NPAS3: variants seen among roughly 807,000 people sequenced by gnomAD.
NPAS3 encodes neuronal PAS domain-containing protein 3.
Under a neutral mutation model 73.1 loss-of-function variants are expected in NPAS3, and 14 were observed. That is an observed-to-expected ratio of 0.19 (90% CI 0.13 to 0.30). The LOEUF is 0.30. Among genes scored for constraint, NPAS3 ranks in the 10% least tolerant of loss-of-function variants. The pLI is 1.00. For missense variants in NPAS3, 1,096 were observed against 1,250.0 expected (o/e 0.88, Z 1.86); for synonymous variants, 620 against 541.5 (o/e 1.14, Z -2.01).
intron 3 of NPAS3, among the ~76,000 whole-genome samples, chr14:33,362,716 T>A (rs2045661115): frequency 6.6e-6 from 1 of 152,094 alleles, no homozygotes; most frequent in South Asian, 2.1e-4. Flanking sequence ...TGCCAGGCGT[T>A]CCTGAGATAC....
chr14:33,414,699 T>C (rs1426620360), intron 4 of NPAS3, among the ~76,000 whole-genome samples: 2 of 152,132 alleles, frequency 1.3e-5, no homozygotes, highest in Non-Finnish European at 2.9e-5. Flanking sequence ...ACTATAAATA[T>C]AATACTACCT....
intron 4 of NPAS3, among the ~76,000 whole-genome samples, chr14:33,473,647 GTTC>G (rs1406434413): frequency 6.6e-6 from 1 of 152,148 alleles, no homozygotes; most frequent in African/African-American, 2.4e-5. Context: ...AAGGCAATGT[GTTC>G]TTCTTGCATT....
chr14:33,735,273 A>G (rs1272687723), exon 7 of NPAS3: 3 of 1,613,518 alleles, frequency 1.9e-6, no homozygotes, highest in Non-Finnish European at 2.5e-6. Context: ...TTCCTTTTTC[A>G]TCCGAATGAA....
rs139760657 is a variant in NPAS3 at position 33,750,370 on chromosome 14, T to C, written c.852+15038T>C. Among the ~76,000 whole-genome samples, 911 of 152,256 alleles carry C rather than the reference T, an allele frequency of 6.0e-3. 8 individuals are homozygous for C. The highest frequency in any genetic ancestry group is 0.021 in the African/African-American group (854 of 41,546). On this transcript the variant is annotated intron_variant, in intron 7 of 11. Coordinates refer to ENST00000356141, the Ensembl canonical transcript of NPAS3. ...TTCACTGAAGATAAAATGGAGAGAT[T>C]TATTACTCCCCATGCTTTTAAAGAA...
intron 6 of NPAS3, among the ~76,000 whole-genome samples, chr14:33,719,115 G>A (rs1043426033): frequency 3.9e-5 from 6 of 152,086 alleles, no homozygotes; most frequent in South Asian, 2.1e-4. Context: ...GTGACAGAGC[G>A]AGACTGTAGA....
rs574014640 is a variant in NPAS3 at position 33,378,689 on chromosome 14, G to A, written c.468+11421G>A. 3.5e-4 allele frequency among the ~76,000 whole-genome samples: 54 copies of A among 152,248 alleles called. 2 individuals carry two copies. In the South Asian group the frequency reaches 0.011, roughly 32 times the overall value. On this transcript the variant is annotated intron_variant, in intron 4 of 11. Coordinates refer to ENST00000356141, the Ensembl canonical transcript of NPAS3. ...TTTGGTGTTTATGTGGAAGTCCCCT[G>A]AGGGTCTTCACTTCTCAATGACTCA...
chr14:33,219,820 G>A (rs1870906386), intron 3 of NPAS3, among the ~76,000 whole-genome samples: 1 of 152,150 alleles, frequency 6.6e-6, no homozygotes, highest in Non-Finnish European at 1.5e-5. Flanking sequence ...CCCAAAATTA[G>A]ATAGCATTTT....
chr14:33,520,878 G>T (rs766734612), intron 4 of NPAS3, among the ~76,000 whole-genome samples: 9 of 152,090 alleles, frequency 5.9e-5, no homozygotes, highest in Non-Finnish European at 1.3e-4. Flanking sequence ...ATAAGCAAAC[G>T]CTGAATGCTG....
intron 4 of NPAS3, among the ~76,000 whole-genome samples, chr14:33,451,333 A>T (rs571841724): frequency 1.1e-3 from 160 of 152,328 alleles, no homozygotes; most frequent in African/African-American, 3.8e-3. Context: ...CTTTTAGTAA[A>T]GTTTAAATCT....
At chr14:33,442,292 C>T (rs1299658447) in intron 4 of NPAS3, among the ~76,000 whole-genome samples, 1 of 152,060 alleles carries the variant, frequency 6.6e-6, no homozygotes, top group Non-Finnish European at 1.5e-5. Flanking sequence ...TGACAGTCAA[C>T]TGAACATGGT....
intron 2 of NPAS3, among the ~76,000 whole-genome samples, chr14:33,086,917 C>T (rs1364511516): frequency 1.3e-5 from 2 of 151,680 alleles, no homozygotes; most frequent in Non-Finnish European, 2.9e-5. Flanking sequence ...AAAATAGAGC[C>T]CAAGAGATGG....
At chr14:33,483,783 C>G (rs77696790) in intron 4 of NPAS3, among the ~76,000 whole-genome samples, 1 of 152,154 alleles carries the variant, frequency 6.6e-6, no homozygotes, top group African/African-American at 2.4e-5. Context: ...CTTTCCCCTC[C>G]GTTGAAATAT....
chr14:33,691,604 C>T (rs949387758), intron 6 of NPAS3, among the ~76,000 whole-genome samples: 22 of 152,344 alleles, frequency 1.4e-4, no homozygotes, highest in Middle Eastern at 3.4e-3. Context: ...CTTAATACCT[C>T]ATAACTAAGA....
At chr14:33,690,633 A>G (rs918063633) in intron 6 of NPAS3, among the ~76,000 whole-genome samples, 4 of 152,154 alleles carry the variant, frequency 2.6e-5, no homozygotes, top group African/African-American at 9.7e-5. Context: ...AAAAGAGAAC[A>G]TGTAAAAGAG....
chr14:33,092,557 A>G (rs1218119201), intron 2 of NPAS3, among the ~76,000 whole-genome samples: 1 of 152,212 alleles, frequency 6.6e-6, no homozygotes, highest in African/African-American at 2.4e-5. Context: ...GGTAATTTAT[A>G]GATTCAATGC....
At chr14:32,975,305 C>CCTTCCT (rs2037613211) in intron 1 of NPAS3, among the ~76,000 whole-genome samples, 1 of 151,986 alleles carries the variant, frequency 6.6e-6, no homozygotes, top group Non-Finnish European at 1.5e-5. Flanking sequence ...TCCCTCCCTC[C>CCTTCCT]CTGCCTCCGT....
chr14:33,302,832 C>T (rs2042607274), intron 3 of NPAS3, among the ~76,000 whole-genome samples: 2 of 151,932 alleles, frequency 1.3e-5, no homozygotes, highest in Middle Eastern at 6.9e-3. Flanking sequence ...CATATTTCCA[C>T]ATAGAGCAGT....
chr14:33,227,564 A>G (rs1316912784), intron 3 of NPAS3, among the ~76,000 whole-genome samples: 1 of 152,178 alleles, frequency 6.6e-6, no homozygotes, highest in Non-Finnish European at 1.5e-5. Context: ...CTCCTGGGTC[A>G]CATAGCCATT....
intron 3 of NPAS3, among the ~76,000 whole-genome samples, chr14:33,292,234 A>G (rs1430429118): frequency 6.6e-6 from 1 of 152,196 alleles, no homozygotes; most frequent in Non-Finnish European, 1.5e-5. Flanking sequence ...GCACCAACCA[A>G]TAAAACATGG....
Sources: gnomAD v4.1 joint callset for allele counts (sites outside exome capture counted in the v4.1 genomes callset) on GRCh38, gnomAD v4.1.1 for gene constraint, MANE v1.5 for transcripts, NCBI Gene and HGNC (gene_info 2026-07-23, HGNC 2026-07-21) for gene names.